Variants in FKBP3 observed in about 807,000 individuals in gnomAD.
The protein encoded by FKBP3 is peptidyl-prolyl cis-trans isomerase FKBP3.
Under a neutral mutation model 30.6 loss-of-function variants are expected in FKBP3, and 21 were observed. The ratio of observed to expected loss-of-function variants is 0.69; its 90% CI spans 0.49 to 0.99. The LOEUF is 0.99. FKBP3 is among the 50% of genes least tolerant of loss of function. The pLI is 0.00. For missense variants in FKBP3, 283 were observed against 261.6 expected (o/e 1.08, Z -0.56); for synonymous variants, 82 against 91.3 (o/e 0.90, Z 0.58).
intron 5 of FKBP3, among the ~76,000 whole-genome samples, chr14:45,120,329 C>G (rs1470329115): frequency 6.6e-6 from 1 of 152,074 alleles, no homozygotes; most frequent in Non-Finnish European, 1.5e-5. Context: ...CTCAAAGTTT[C>G]TTTCTGTTAT....
At chr14:45,124,233 T>C (rs370434327) in intron 3 of FKBP3, among the ~76,000 whole-genome samples, 31 of 152,240 alleles carry the variant, frequency 2.0e-4, no homozygotes, top group African/African-American at 7.2e-4. Context: ...GCATACAGCA[T>C]AGAAATCTTT....
rs185587363 is a variant in FKBP3 at position 45,128,672 on chromosome 14, T to C, written c.318+1122A>G. ...TAGGAAAACAGTCACAGTACATAAA[T>C]GGGCTCAAGCTGGCCAGTTAAACGA... On this transcript the variant is annotated intron_variant, in intron 3 of 6. Transcript: ENST00000396062. Among the ~76,000 whole-genome samples the C allele has an allele frequency of 2.6e-5, 4 of 152,348 alleles. No individual in the cohort carries two copies. In the East Asian group the frequency reaches 7.7e-4, roughly 29 times the overall value.
chr14:45,125,627 A>G (rs1566706257), intron 3 of FKBP3, among the ~76,000 whole-genome samples: 1 of 152,222 alleles, frequency 6.6e-6, no homozygotes. Flanking sequence ...AAAATCCCAT[A>G]AGAGCTATTA....
At chr14:45,116,273 C>T in intron 6 of FKBP3, 21 bp from the exon 7 acceptor site, 7 of 1,606,006 alleles carry the variant, frequency 4.4e-6, no homozygotes, top group Non-Finnish European at 6.0e-6. Flanking sequence ...AGTCAAGGTA[C>T]ATTTGATAAA....
At chr14:45,129,937 A>G in intron 2 of FKBP3, 36 bp from the exon 3 acceptor site, 1 of 1,363,326 alleles carries the variant, frequency 7.3e-7, no homozygotes, top group East Asian at 2.3e-5. Context: ...TACCCAGGAC[A>G]GGCTAAAACC....
chr14:45,115,997 G>C lies in FKBP3; in HGVS notation c.*201C>G. The C allele has an allele frequency of 1.8e-6, 1 of 541,742 alleles. No homozygotes were observed. Among genetic ancestry groups the C allele is most frequent in the Non-Finnish European group, 3.3e-6 (1 of 299,128 alleles). The allele number at this position is 541,742 out of a possible 1,614,324, so 33.6% of individuals were successfully genotyped here. A position where few individuals can be genotyped will look rare whatever the true frequency, so the allele number is the denominator to read the frequency against. On this transcript the variant is annotated 3_prime_UTR_variant, in exon 7 of 7. Coordinates refer to ENST00000396062, the MANE Select transcript of FKBP3 (RefSeq NM_002013.4). ...TTGACCAGTATTTTACACAGCTGTA[G>C]GAAAGTATTTTAGACCAGGGATTCA...
At chr14:45,130,164 C>CGAGTT (rs1885184138) in intron 2 of FKBP3, among the ~76,000 whole-genome samples, 1 of 152,182 alleles carries the variant, frequency 6.6e-6, no homozygotes, top group South Asian at 2.1e-4. Context: ...AAGGCCAACT[C>CGAGTT]ATACCCAGAG....
chr14:45,133,358 T>C, intron 1 of FKBP3: 1 of 287,446 alleles, frequency 3.5e-6, no homozygotes, highest in Non-Finnish European at 7.4e-6. Flanking sequence ...TCCTAGCTAC[T>C]CGAGAGGCAG....
chr14:45,120,934 C>T lies in FKBP3; in HGVS notation c.475G>A (p.Ala159Thr), dbSNP rs1181559548. The T allele has an allele frequency of 6.2e-7, 1 of 1,613,156 alleles. No individual in the cohort carries two copies. Among genetic ancestry groups the T allele is most frequent in the Admixed American group, 1.7e-5 (1 of 59,994 alleles). The change falls in exon 5 of 7, where the codon GCC (alanine) becomes ACC (threonine). Residue 159 changes from alanine (A) to threonine (T), a missense_variant. Transcript: ENST00000396062. ...CCGACCTTAAAACTTAAAGGCTTGGCATTTTTCTTCTTCTTTGCACCTGTA... is the reference window on the plus strand; with the variant it reads ...CCGACCTTAAAACTTAAAGGCTTGGTATTTTTCTTCTTCTTTGCACCTGTA... ...IQTSAKKKKN[A>T]KPLSFKVGVG...
intron 5 of FKBP3, among the ~76,000 whole-genome samples, chr14:45,119,638 T>C (rs1433211388): frequency 1.3e-5 from 2 of 151,492 alleles, no homozygotes; most frequent in African/African-American, 2.4e-5. Context: ...AATAGAAAAA[T>C]GGCCCAATTT....
In FKBP3 at chr14:45,134,349, C is replaced by A. The variant is rs746560206; in HGVS notation, c.108G>T (p.Ser36=). The part of the protein sequence containing the change: ...IKFLQEHGSD[S]FLAEHKLLGN... ...CCGGCCGCCCCTACGCCTCTGGTAC[C>A]GAATCTGAACCGTGTTCCTGCAGAA... The change falls in exon 1 of 7, where the codon TCG becomes TCT. Residue 36 remains serine, a splice_region_variant and synonymous_variant. Coordinates refer to ENST00000396062, the MANE Select transcript of FKBP3 (RefSeq NM_002013.4). 5 of 1,612,510 alleles carry A rather than the reference C, an allele frequency of 3.1e-6. No homozygotes were observed. The highest frequency in any genetic ancestry group is 4.2e-6 in the Non-Finnish European group (5 of 1,178,958).
At chr14:45,124,809 C>A (rs914942973) in intron 3 of FKBP3, among the ~76,000 whole-genome samples, 1 of 152,100 alleles carries the variant, frequency 6.6e-6, no homozygotes, top group Non-Finnish European at 1.5e-5. Flanking sequence ...GCATGAAATA[C>A]GGCTAGAAAA....
At chr14:45,120,821 T>C (rs952531536) in intron 5 of FKBP3, 66 bp downstream of exon 5, 8 of 1,300,150 alleles carry the variant, frequency 6.2e-6, no homozygotes, top group Non-Finnish European at 8.9e-6. Flanking sequence ...CCTAATTCTT[T>C]ACAGCACCAT....
chr14:45,130,890 G>A (rs1885198827), intron 1 of FKBP3, 90 bp from the exon 2 acceptor site: 2 of 679,728 alleles, frequency 2.9e-6, no homozygotes, highest in East Asian at 5.4e-5. Context: ...GTTAGCAGTT[G>A]TGTTTTCAGT....
At chr14:45,130,307 C>A (rs1322028881) in intron 2 of FKBP3, among the ~76,000 whole-genome samples, 1 of 152,194 alleles carries the variant, frequency 6.6e-6, no homozygotes, top group Non-Finnish European at 1.5e-5. Context: ...CTAAACCAGA[C>A]TTTAAATTCA....
In FKBP3 at chr14:45,121,504, A is replaced by G. The variant is rs1884984028; in HGVS notation, c.435T>C (p.Phe145=). ...ACTTACTTGTTTGAATATTAGTATC[A>G]AAAACAGTCCCATCTTGTAGTGTTC... ...YTGTLQDGTV[F]DTNIQTSAKK... The change falls in exon 4 of 7, where the codon TTT becomes TTC. Residue 145 remains phenylalanine (F), a synonymous_variant. Transcript: ENST00000396062. 6.2e-7 allele frequency: 1 copy of G among 1,612,248 alleles called. No homozygotes were observed. Among genetic ancestry groups the G allele is most frequent in the Non-Finnish European group, 8.5e-7 (1 of 1,179,138 alleles).
intron 3 of FKBP3, among the ~76,000 whole-genome samples, chr14:45,124,172 T>TA (rs1448157071): frequency 1.3e-5 from 2 of 152,056 alleles, no homozygotes; most frequent in African/African-American, 4.8e-5. Context: ...TCCAGAATTC[T>TA]ATCAGCCTTT....
In FKBP3 at chr14:45,130,869, G is replaced by A. The variant is rs914578818; in HGVS notation, c.109-69C>T. ...TAAGAAGTGTCTAAAATTAGAAAAC[G>A]ATCCTTTTATGTTAGCAGTTGTGTT... On this transcript the variant is annotated intron_variant, in intron 1 of 6. Coordinates refer to ENST00000396062, the MANE Select transcript of FKBP3 (RefSeq NM_002013.4). The A allele has an allele frequency of 8.2e-6, 7 of 854,910 alleles. No individual in the cohort carries two copies. In the African/African-American group the frequency reaches 8.6e-5, roughly 10 times the overall value. 53.0% of individuals were successfully genotyped at this position (854,910 alleles called of 1,614,324 possible).
At chr14:45,125,278 T>C (rs1035636721) in intron 3 of FKBP3, among the ~76,000 whole-genome samples, 1 of 152,338 alleles carries the variant, frequency 6.6e-6, no homozygotes. Flanking sequence ...GAAGCAAAAG[T>C]AGAAGTGGAG....
Sources: gnomAD v4.1 joint callset for allele counts (sites outside exome capture counted in the v4.1 genomes callset) on GRCh38, gnomAD v4.1.1 for gene constraint, MANE v1.5 for transcripts, NCBI Gene and HGNC (gene_info 2026-07-23, HGNC 2026-07-21) for gene names.